Variants in L3MBTL4 observed in about 807,000 individuals in gnomAD.
L3MBTL4 encodes L3MBTL histone methyl-lysine binding protein 4.
A neutral mutation model predicts 84.5 loss-of-function variants in L3MBTL4; 70 were observed. The ratio of observed to expected loss-of-function variants is 0.83; its 90% confidence interval spans 0.68 to 1.01. L3MBTL4 has a LOEUF of 1.01. L3MBTL4 is among the 50% of genes least tolerant of loss of function. The pLI is 0.00. For synonymous variants in L3MBTL4, 274 were observed against 259.8 expected, an observed-to-expected ratio of 1.05 and a Z score of -0.52; for missense variants, 715 against 754.8, an observed-to-expected ratio of 0.95 and a Z score of 0.62.
intron 14 of L3MBTL4, among the ~76,000 whole-genome samples, chr18:6,132,223 C>G (rs1429047292): frequency 6.6e-6 from 1 of 151,904 alleles, no homozygotes; most frequent in Admixed American, 6.6e-5. Flanking sequence ...ATGTATTTAC[C>G]TGATGGTTTA....
intron 13 of L3MBTL4, among the ~76,000 whole-genome samples, chr18:6,164,270 C>A (rs2043524294): frequency 6.6e-6 from 1 of 152,228 alleles, no homozygotes; most frequent in African/African-American, 2.4e-5. Context: ...CACAGACAAA[C>A]AAAAGGCAGC....
chr18:6,163,760 A>G (rs1008486364), intron 13 of L3MBTL4, among the ~76,000 whole-genome samples: 2 of 152,232 alleles, frequency 1.3e-5, no homozygotes, highest in African/African-American at 4.8e-5. Context: ...TGAGTGACGC[A>G]GAAGACAGGA....
rs139206409 is a variant in L3MBTL4 at position 5,958,906 on chromosome 18, C to T, written c.1677+1188G>A. 9.1e-3 allele frequency among the ~76,000 whole-genome samples: 1,380 copies of T among 152,280 alleles called. 15 individuals are homozygous for T. Among genetic ancestry groups the T allele is most frequent in the South Asian group, 0.031 (151 of 4,820 alleles). On this transcript the variant is annotated intron_variant, in intron 18 of 18. Transcript: ENST00000317931. The stretch of plus-strand genomic sequence containing the variant: ...CAAAAAGCCACTCCCTCTTACCCTA[C>T]GTGGACAGACTTGAGGACAAAGCAA...
intron 13 of L3MBTL4, 59 bp downstream of exon 13, chr18:6,171,769 T>C (rs2043981569): frequency 1.0e-6 from 1 of 1,001,166 alleles, no homozygotes; most frequent in South Asian, 1.5e-5. Context: ...ATAAGCAACA[T>C]TACGGCTGGA....
In L3MBTL4 at chr18:6,022,403, A is replaced by G. The variant is rs543966081; in HGVS notation, c.1445-52841T>C. On this transcript the variant is annotated intron_variant, in intron 16 of 18. Coordinates refer to ENST00000317931, the MANE Select transcript of L3MBTL4 (RefSeq NM_001330559.2). ...GTGCCTTATCTCTGATTCTGCTCCC[A>G]CTCACTACAGCCTCCACAATGCTTT... is the stretch of plus-strand genomic sequence containing the variant. Among the ~76,000 whole-genome samples, 4 of 152,198 alleles carry G rather than the reference A, an allele frequency of 2.6e-5. No individual in the cohort carries two copies. The South Asian group carries it at 8.3e-4, about 32-fold the overall frequency.
intron 12 of L3MBTL4, among the ~76,000 whole-genome samples, chr18:6,208,481 A>G (rs1448030330): frequency 1.3e-5 from 2 of 152,318 alleles, no homozygotes; most frequent in Admixed American, 6.5e-5. Context: ...ATTCAGTAGA[A>G]CTTATTAAAG....
At chr18:5,973,451 A>T (rs2052751965) in intron 16 of L3MBTL4, among the ~76,000 whole-genome samples, 1 of 152,234 alleles carries the variant, frequency 6.6e-6, no homozygotes, top group Non-Finnish European at 1.5e-5. Flanking sequence ...CATTATTTTA[A>T]ATTCTGTGCA....
intron 4 of L3MBTL4, among the ~76,000 whole-genome samples, chr18:6,289,810 T>G (rs2049768412): frequency 6.6e-6 from 1 of 152,208 alleles, no homozygotes; most frequent in Non-Finnish European, 1.5e-5. Context: ...CAGTATAACT[T>G]GATTCTGTCC....
At chr18:6,130,288 G>C (rs1482399508) in intron 14 of L3MBTL4, among the ~76,000 whole-genome samples, 1 of 150,880 alleles carries the variant, frequency 6.6e-6, no homozygotes, top group Non-Finnish European at 1.5e-5. Flanking sequence ...TCACAAAGGG[G>C]AACAGACGTG....
intron 13 of L3MBTL4, among the ~76,000 whole-genome samples, chr18:6,166,444 C>A (rs2043661263): frequency 1.3e-5 from 2 of 152,134 alleles, no homozygotes; most frequent in Non-Finnish European, 2.9e-5. Flanking sequence ...CACTCCTCAG[C>A]AAATGTAAAA....
intron 14 of L3MBTL4, among the ~76,000 whole-genome samples, chr18:6,101,046 G>A (rs1382313698): frequency 6.6e-6 from 1 of 152,204 alleles, no homozygotes; most frequent in Non-Finnish European, 1.5e-5. Flanking sequence ...GTCTTCTGTG[G>A]GGATGAAGGT....
At chr18:6,408,269 T>C (rs1445286468) in intron 1 of L3MBTL4, among the ~76,000 whole-genome samples, 1 of 152,110 alleles carries the variant, frequency 6.6e-6, no homozygotes, top group East Asian at 1.9e-4. Flanking sequence ...TCAGCAGCAA[T>C]AAGAAGCCAG....
chr18:5,987,475 C>T (rs2053514242), intron 16 of L3MBTL4, among the ~76,000 whole-genome samples: 1 of 152,230 alleles, frequency 6.6e-6, no homozygotes, highest in Non-Finnish European at 1.5e-5. Context: ...CAGGAGCCAG[C>T]TATATTTCAG....
intron 7 of L3MBTL4, 52 bp from the exon 8 acceptor site, chr18:6,241,501 T>A (rs1328811559): frequency 1.0e-6 from 1 of 959,138 alleles, no homozygotes; most frequent in Non-Finnish European, 1.6e-6. Flanking sequence ...ATCACATGCA[T>A]ATTAAATATA....
At chr18:5,978,957 A>G (rs565936789) in intron 16 of L3MBTL4, among the ~76,000 whole-genome samples, 2 of 152,090 alleles carry the variant, frequency 1.3e-5, no homozygotes, top group Non-Finnish European at 2.9e-5. Flanking sequence ...TCTGAGCACG[A>G]CCTACCTCTG....
chr18:6,029,132 T>C (rs2055653663), intron 16 of L3MBTL4, among the ~76,000 whole-genome samples: 1 of 152,150 alleles, frequency 6.6e-6, no homozygotes, highest in Non-Finnish European at 1.5e-5. Context: ...AATATGAGGA[T>C]TGAATTACTG....
At chr18:6,093,553 C>T in intron 14 of L3MBTL4, 25 bp from the exon 15 acceptor site, 2 of 1,602,810 alleles carry the variant, frequency 1.2e-6, no homozygotes, top group Non-Finnish European at 1.7e-6. Context: ...AATGAGAGCA[C>T]AGTCATCAGT....
At chr18:6,160,733 A>AAC (rs1174428870) in intron 13 of L3MBTL4, among the ~76,000 whole-genome samples, 35 of 138,528 alleles carry the variant, frequency 2.5e-4, no homozygotes, top group African/African-American at 9.5e-4. Flanking sequence ...ATCCGTCTCA[A>AAC]AAAAAAAAAA....
intron 1 of L3MBTL4, chr18:6,396,053 AAAT>A (rs944101335): frequency 2.6e-5 from 4 of 152,218 alleles, no homozygotes; most frequent in Admixed American, 6.5e-5. Flanking sequence ...GTGAGAAAAA[AAAT>A]AAGAAAGAAA....
Sources: gnomAD v4.1 joint callset for allele counts (sites outside exome capture counted in the v4.1 genomes callset) on GRCh38, gnomAD v4.1.1 for gene constraint, MANE v1.5 for transcripts, NCBI Gene and HGNC (gene_info 2026-07-23, HGNC 2026-07-21) for gene names.